SH3GL3: variants seen among roughly 807,000 people sequenced by gnomAD.
SH3GL3 encodes endophilin-A3.
In SH3GL3, 33 loss-of-function variants were observed where a neutral mutation model predicts 47.7. That is an observed-to-expected ratio of 0.69 (90% CI 0.52 to 0.92). The LOEUF is 0.92. Ranked by LOEUF, SH3GL3 falls within the 40% of genes least tolerant of loss-of-function variation. SH3GL3 has a pLI of 0.00. For missense variants in SH3GL3, 363 were observed against 417.8 expected (o/e 0.87, Z 1.14); for synonymous variants, 155 against 148.8 (o/e 1.04, Z -0.30).
intron 1 of SH3GL3, among the ~76,000 whole-genome samples, chr15:83,508,089 G>A (rs778153041): frequency 3.2e-4 from 49 of 151,680 alleles, no homozygotes; most frequent in African/African-American, 5.8e-4. Flanking sequence ...CTACAGGTGC[G>A]CACCACCACG....
At chr15:83,596,502 G>A (rs1022603632) in intron 8 of SH3GL3, among the ~76,000 whole-genome samples, 3 of 152,174 alleles carry the variant, frequency 2.0e-5, no homozygotes, top group Non-Finnish European at 4.4e-5. Flanking sequence ...TTATGGATTT[G>A]TCTATTTCTC....
intron 1 of SH3GL3, among the ~76,000 whole-genome samples, chr15:83,464,518 T>C (rs1168391553): frequency 6.6e-6 from 1 of 152,190 alleles, no homozygotes; most frequent in Non-Finnish European, 1.5e-5. Context: ...ACCTCTCTCC[T>C]TGGATATTTA....
chr15:83,630,729 G>A, the SH3GL3 span, among the ~76,000 whole-genome samples: 18 of 152,140 alleles, frequency 1.2e-4, no homozygotes, highest in African/African-American at 3.1e-4. Context: ...CCTCCTACCC[G>A]GTCCCTCCCA....
chr15:83,581,290 G>T (rs138440252), intron 6 of SH3GL3, among the ~76,000 whole-genome samples: 2 of 152,328 alleles, frequency 1.3e-5, no homozygotes, highest in Non-Finnish European at 2.9e-5. Context: ...GGGTGTGGTT[G>T]TTCACTGTCC....
intron 1 of SH3GL3, among the ~76,000 whole-genome samples, chr15:83,508,859 G>T (rs1294376886): frequency 6.6e-6 from 1 of 152,150 alleles, no homozygotes; most frequent in African/African-American, 2.4e-5. Context: ...CTCCCAAAGG[G>T]CTCGGATTAC....
Position 83,490,965 on chromosome 15 carries a change from A to G in SH3GL3, c.45+43387A>G, listed in dbSNP as rs541329649. 2.7e-5 allele frequency: 44 copies of G among 1,611,276 alleles called. No homozygotes were observed. The Admixed American group carries it at 4.5e-4, about 17-fold the overall frequency. On this transcript the variant is annotated intron_variant, in intron 1 of 8. Coordinates refer to ENST00000427482, the MANE Select transcript of SH3GL3 (RefSeq NM_003027.5). ...GAAGAACAGTAAACTTGGAAAAGCC[A>G]TTCTCATCAGCACAGAAGCACTGAA...
chr15:83,586,811 T>G (rs1303420869), intron 6 of SH3GL3, among the ~76,000 whole-genome samples, 172 bp from the exon 7 acceptor site: 1 of 152,222 alleles, frequency 6.6e-6, no homozygotes, highest in Non-Finnish European at 1.5e-5. Context: ...TATAGCTCCA[T>G]ACCATGACCT....
chr15:83,466,494 C>A (rs1284626252), intron 1 of SH3GL3, among the ~76,000 whole-genome samples: 1 of 151,994 alleles, frequency 6.6e-6, no homozygotes, highest in African/African-American at 2.4e-5. Flanking sequence ...AACACCCACC[C>A]AACTGGAGAT....
At chr15:83,547,338 A>G (rs1159182386) in intron 1 of SH3GL3, among the ~76,000 whole-genome samples, 1 of 152,188 alleles carries the variant, frequency 6.6e-6, no homozygotes, top group Admixed American at 6.5e-5. Flanking sequence ...GTTGCTTTCC[A>G]CTGTGACAGG....
intron 3 of SH3GL3, chr15:83,565,819 T>A (rs1349665156): frequency 6.6e-6 from 1 of 152,210 alleles, no homozygotes; most frequent in Non-Finnish European, 1.5e-5. Context: ...CCTTTCCTTT[T>A]TAGGAATTTA....
Position 83,447,351 on chromosome 15 carries a change from T to TCGG in SH3GL3, c.-180_-178dup. ...GGGGCTTTGGAACGCAGTGTTGCCA[T>TCGG]CGGCGTGCGCGCGTGTGTGCGAGTG... On this transcript the variant is annotated 5_prime_UTR_variant, in exon 1 of 9. Transcript: ENST00000427482. The surrounding 1 kb of genome is among the most constrained non-coding windows in gnomAD (Gnocchi z 5.1). 2.7e-6 allele frequency: 1 copy of TCGG among 366,942 alleles called. No homozygotes were observed. The highest frequency in any genetic ancestry group is 4.9e-6 in the Non-Finnish European group (1 of 202,224). The allele number at this position is 366,942 out of a possible 1,614,324, so 22.7% of individuals were successfully genotyped here.
intron 1 of SH3GL3, among the ~76,000 whole-genome samples, chr15:83,470,998 T>A (rs2040807840): frequency 6.6e-6 from 1 of 152,210 alleles, no homozygotes; most frequent in South Asian, 2.1e-4. Context: ...TTAGACAGTA[T>A]TATAGTTGGG....
intron 1 of SH3GL3, among the ~76,000 whole-genome samples, chr15:83,487,037 G>C (rs940137975): frequency 1.3e-5 from 2 of 152,156 alleles, no homozygotes; most frequent in African/African-American, 4.8e-5. Context: ...TTAGGAGTTA[G>C]AGCTTCAACA....
intron 1 of SH3GL3, among the ~76,000 whole-genome samples, chr15:83,504,519 T>C (rs137860938): frequency 9.2e-4 from 140 of 152,332 alleles, no homozygotes; most frequent in African/African-American, 3.2e-3. Context: ...CACTCTCTCA[T>C]GGATGAATCA....
chr15:83,558,606 TA>T (rs1400052969), intron 1 of SH3GL3, among the ~76,000 whole-genome samples: 1 of 152,106 alleles, frequency 6.6e-6, no homozygotes, highest in Admixed American at 6.6e-5. Context: ...CCACAACAGA[TA>T]ATTATCTGCT....
At chr15:83,534,631 T>C (rs1391060351) in intron 1 of SH3GL3, among the ~76,000 whole-genome samples, 1 of 152,122 alleles carries the variant, frequency 6.6e-6, no homozygotes, top group African/African-American at 2.4e-5. Flanking sequence ...AAAATAAAAA[T>C]TAACTCCAGG....
At chr15:83,518,111 T>C (rs537923783) in intron 1 of SH3GL3, among the ~76,000 whole-genome samples, 2 of 152,356 alleles carry the variant, frequency 1.3e-5, no homozygotes, top group South Asian at 4.1e-4. Context: ...TAGTATTCCA[T>C]GGTGTGCAAG....
chr15:83,591,917 C>G (rs771083379), intron 8 of SH3GL3, among the ~76,000 whole-genome samples: 12 of 151,528 alleles, frequency 7.9e-5, no homozygotes, highest in African/African-American at 1.5e-4. Flanking sequence ...TTGTGATCCG[C>G]CCGCCTTGGC....
intron 8 of SH3GL3, among the ~76,000 whole-genome samples, chr15:83,614,648 T>G (rs1349914479): frequency 6.6e-6 from 1 of 152,198 alleles, no homozygotes; most frequent in Admixed American, 6.5e-5. Flanking sequence ...GGCTGTTTAG[T>G]GTGCCACCAA....
Sources: allele counts gnomAD v4.1 joint callset (sites outside exome capture counted in the v4.1 genomes callset), GRCh38; gene constraint gnomAD v4.1.1; non-coding constraint Gnocchi (gnomAD v3.1); transcripts MANE v1.5; gene names NCBI Gene and HGNC (gene_info 2026-07-23, HGNC 2026-07-21).